The following TMEM87B variants were observed in gnomAD, a reference collection of about 807,000 sequenced individuals.
TMEM87B encodes transmembrane protein 87B.
A neutral mutation model predicts 80.3 loss-of-function variants in TMEM87B; 83 were observed. That is an observed-to-expected ratio of 1.03 (90% CI 0.87 to 1.24). The LOEUF is 1.24. TMEM87B is among the 50% of genes most tolerant of loss of function. The probability of loss-of-function intolerance (pLI) is 0.00; values close to 1 mark genes in which losing one functional copy is unlikely to be tolerated. For missense variants in TMEM87B, 625 were observed against 674.4 expected (o/e 0.93, Z 0.81); for synonymous variants, 219 against 230.5 (o/e 0.95, Z 0.45).
intron 17 of TMEM87B, among the ~76,000 whole-genome samples, chr2:112,108,429 T>G (rs932073536): frequency 6.6e-6 from 1 of 152,216 alleles, no homozygotes; most frequent in African/African-American, 2.4e-5. Context: ...CCTGAAGAAT[T>G]GCCTTTACAT....
intron 2 of TMEM87B, among the ~76,000 whole-genome samples, chr2:112,060,324 G>C (rs1316532734): frequency 1.4e-5 from 2 of 143,920 alleles, no homozygotes; most frequent in African/African-American, 5.1e-5. Context: ...ACTCCAGCCT[G>C]GGCGACACAG....
At position 112,118,327 on chromosome 2, in the gene TMEM87B, A is replaced by AT. The variant is rs150296438; in HGVS notation, c.*2185dup. On this transcript the variant is annotated 3_prime_UTR_variant, in exon 19 of 19. Transcript: ENST00000283206. Reference sequence around the variant, plus strand: ...ACCTAGGGCTACTGAGCAGCTCATCATCCCTGTTTCTGCACAGTTTCCTGA... The same window carrying AT: ...ACCTAGGGCTACTGAGCAGCTCATCATTCCCTGTTTCTGCACAGTTTCCTGA... The AT allele has an allele frequency of 3.3e-3, 505 of 152,316 alleles. 2 individuals are homozygous for AT. The highest frequency in any genetic ancestry group is 0.012 in the African/African-American group (488 of 41,568). The allele number at this position is 152,316 out of a possible 1,614,324, so 9.4% of individuals were successfully genotyped here.
At chr2:112,055,788 C>T (rs1678031942) in intron 1 of TMEM87B, 32 bp downstream of exon 1, 3 of 1,449,026 alleles carry the variant, frequency 2.1e-6, no homozygotes, top group African/African-American at 3.0e-5. Context: ...AGGCGTGGCA[C>T]GTCTCGGGCC....
At chr2:112,112,025 CG>C (rs1250978311) in intron 17 of TMEM87B, among the ~76,000 whole-genome samples, 26 of 152,160 alleles carry the variant, frequency 1.7e-4, no homozygotes, top group African/African-American at 6.3e-4. Context: ...TTTCCTTAAT[CG>C]TATTATTCCA....
Position 112,107,771 on chromosome 2 carries a change from T to C in TMEM87B, c.1525-17T>C. On this transcript the variant is annotated splice_polypyrimidine_tract_variant and intron_variant, in intron 16 of 18. Transcript: ENST00000283206. ...CAGGTGATATTAAGCAAATGCTAAG[T>C]ATAAATATTTCTACAGGATGAAGAT... The C allele has an allele frequency of 6.5e-7, 1 of 1,536,552 alleles. No individual in the cohort carries two copies. Among genetic ancestry groups the C allele is most frequent in the African/African-American group, 1.4e-5 (1 of 73,514 alleles).
chr2:112,086,819 A>C (rs772520779), intron 9 of TMEM87B, among the ~76,000 whole-genome samples: 1 of 152,122 alleles, frequency 6.6e-6, no homozygotes, highest in African/African-American at 2.4e-5. Flanking sequence ...AGCCATGTGC[A>C]TGACCCTTTA....
chr2:112,072,927 T>G (rs1455889101), intron 4 of TMEM87B, among the ~76,000 whole-genome samples: 4 of 130,960 alleles, frequency 3.1e-5, no homozygotes, highest in African/African-American at 9.0e-5. Flanking sequence ...TGAGACAGAG[T>G]CTCATTCTGT....
intron 11 of TMEM87B, among the ~76,000 whole-genome samples, chr2:112,093,274 A>G (rs550425438): frequency 6.6e-6 from 1 of 152,228 alleles, no homozygotes; most frequent in African/African-American, 2.4e-5. Context: ...TTCCAACTTA[A>G]AAAGCCTATG....
chr2:112,112,645 C>T (rs1679950251), intron 17 of TMEM87B, among the ~76,000 whole-genome samples: 1 of 152,194 alleles, frequency 6.6e-6, no homozygotes, highest in Non-Finnish European at 1.5e-5. Flanking sequence ...ATTTGCTTTG[C>T]TGTATAGTAT....
chr2:112,056,939 A>G (rs1191226614), intron 1 of TMEM87B, among the ~76,000 whole-genome samples: 4 of 152,222 alleles, frequency 2.6e-5, no homozygotes, highest in Non-Finnish European at 5.9e-5. Flanking sequence ...GTGAATAGTC[A>G]ATATAACTAT....
At chr2:112,113,369 G>C (rs960166503) in intron 18 of TMEM87B, among the ~76,000 whole-genome samples, 1 of 152,172 alleles carries the variant, frequency 6.6e-6, no homozygotes, top group African/African-American at 2.4e-5. Context: ...GGCACAAGGC[G>C]GGAAGAAATC....
intron 5 of TMEM87B, among the ~76,000 whole-genome samples, chr2:112,076,378 C>T (rs754521048): frequency 6.6e-6 from 1 of 152,120 alleles, no homozygotes; most frequent in Non-Finnish European, 1.5e-5. Context: ...CTTGTTCTGT[C>T]ACCTAGGCTG....
chr2:112,084,182 C>T (rs749028734), intron 8 of TMEM87B, among the ~76,000 whole-genome samples: 1 of 152,150 alleles, frequency 6.6e-6, no homozygotes, highest in Non-Finnish European at 1.5e-5. Context: ...GTACCAGAAA[C>T]GTTGTAGTCA....
chr2:112,086,306 T>A (rs1035369987), intron 9 of TMEM87B, among the ~76,000 whole-genome samples: 1 of 152,254 alleles, frequency 6.6e-6, no homozygotes, highest in Non-Finnish European at 1.5e-5. Flanking sequence ...AATTTTTATT[T>A]CAATAACTTT....
At position 112,090,235 on chromosome 2, in the gene TMEM87B, G is replaced by C. The variant is rs1004453659; in HGVS notation, c.1032+517G>C. Among the ~76,000 whole-genome samples the C allele has an allele frequency of 3.9e-5, 6 of 152,302 alleles. No individual in the cohort carries two copies. The East Asian group carries it at 1.2e-3, about 29-fold the overall frequency. On this transcript the variant is annotated intron_variant, in intron 10 of 18. Transcript: ENST00000283206. ...AGCCTAGAGGAAGTGATGTTCAAGG[G>C]GAAGATGACTCTGGATGTGGGCAGC...
At chr2:112,078,247 A>G (rs1258772186) in intron 6 of TMEM87B, among the ~76,000 whole-genome samples, 1 of 152,220 alleles carries the variant, frequency 6.6e-6, no homozygotes, top group African/African-American at 2.4e-5. Flanking sequence ...TTTATAAAGA[A>G]CAGAAATTTA....
chr2:112,104,952 T>G, intron 15 of TMEM87B, among the ~76,000 whole-genome samples: 1 of 152,154 alleles, frequency 6.6e-6, no homozygotes, highest in East Asian at 1.9e-4. Flanking sequence ...TGTTGCATGA[T>G]TTAGATGATT....
chr2:112,089,858 C>A, intron 10 of TMEM87B, 140 bp downstream of exon 10: 2 of 744,706 alleles, frequency 2.7e-6, no homozygotes, highest in South Asian at 1.8e-5. Context: ...GGATGTTTCC[C>A]TTTTAAAATA....
intron 13 of TMEM87B, 114 bp from the exon 14 acceptor site, chr2:112,098,481 G>A: frequency 1.1e-6 from 1 of 886,560 alleles, no homozygotes; most frequent in Non-Finnish European, 1.8e-6. Context: ...TTATTTGGAA[G>A]ACTTACTGGT....
Sources: allele counts gnomAD v4.1 joint callset (sites outside exome capture counted in the v4.1 genomes callset), GRCh38; gene constraint gnomAD v4.1.1; transcripts MANE v1.5; gene names NCBI Gene and HGNC (gene_info 2026-07-23, HGNC 2026-07-21).